CCSER1: variants seen among roughly 807,000 people sequenced by gnomAD.
CCSER1 encodes coiled-coil serine rich protein 1, also known as serine-rich coiled-coil domain-containing protein 1.
A neutral mutation model predicts 82.0 loss-of-function variants in CCSER1; 41 were observed. That is an observed-to-expected ratio of 0.50 (90% confidence interval 0.39 to 0.65). The LOEUF is 0.65. CCSER1 is among the 30% of genes least tolerant of loss of function. The pLI is 0.00. For missense variants in CCSER1, 1,119 were observed against 1,064.2 expected, an observed-to-expected ratio of 1.05 and a Z score of -0.72; for synonymous variants, 414 against 383.9, an observed-to-expected ratio of 1.08 and a Z score of -0.92.
Position 90,995,225 on chromosome 4 carries a change from G to A in CCSER1, c.2172+71778G>A, listed in dbSNP as rs141190080. On this transcript the variant is annotated intron_variant, in intron 9 of 10. Transcript: ENST00000509176. ...AATCAAGGTTAGCATTGAACATTCT[G>A]GATGCCTGCTTCTAAAAGGAATGAA... is the stretch of plus-strand genomic sequence containing the variant. Among the ~76,000 whole-genome samples, 7 of 152,240 alleles carry A rather than the reference G, an allele frequency of 4.6e-5. No homozygotes were observed. The East Asian group carries it at 1.4e-3, about 29-fold the overall frequency.
At chr4:90,897,973 GT>G (rs1325283024) in intron 8 of CCSER1, among the ~76,000 whole-genome samples, 2 of 151,582 alleles carry the variant, frequency 1.3e-5, no homozygotes, top group African/African-American at 4.8e-5. Flanking sequence ...ATTTTTTCTT[GT>G]TGATTGTTTA....
At chr4:90,353,509 A>T (rs1468438859) in intron 3 of CCSER1, among the ~76,000 whole-genome samples, 1 of 152,174 alleles carries the variant, frequency 6.6e-6, no homozygotes, top group Non-Finnish European at 1.5e-5. Flanking sequence ...GAGGCAAATA[A>T]AGGAAAATTC....
At chr4:90,833,029 A>G (rs913791063) in intron 8 of CCSER1, among the ~76,000 whole-genome samples, 3 of 152,206 alleles carry the variant, frequency 2.0e-5, no homozygotes, top group Non-Finnish European at 4.4e-5. Context: ...CAAATAACCT[A>G]ATGGGCTTAT....
At chr4:90,723,063 A>G (rs1742956687) in intron 6 of CCSER1, among the ~76,000 whole-genome samples, 10 of 152,012 alleles carry the variant, frequency 6.6e-5, no homozygotes, top group Admixed American at 3.9e-4. Flanking sequence ...CTGAAAATGT[A>G]GGTATATATT....
chr4:91,380,525 CT>C (rs1306081306), intron 10 of CCSER1, among the ~76,000 whole-genome samples: 1 of 152,116 alleles, frequency 6.6e-6, no homozygotes, highest in African/African-American at 2.4e-5. Flanking sequence ...CTCTTTTGAT[CT>C]TTGATGGTTT....
chr4:91,360,473 A>C (rs1216988883), intron 10 of CCSER1, among the ~76,000 whole-genome samples: 3 of 151,876 alleles, frequency 2.0e-5, no homozygotes, highest in Admixed American at 1.3e-4. Flanking sequence ...ATCTGAGTAC[A>C]TTATGCATCC....
intron 5 of CCSER1, among the ~76,000 whole-genome samples, chr4:90,597,044 T>C (rs1339166164): frequency 6.6e-6 from 1 of 152,150 alleles, no homozygotes; most frequent in East Asian, 1.9e-4. Flanking sequence ...GCTAATTCAA[T>C]CTATTAAGTT....
rs548600705 is a variant in CCSER1, at chr4:91,024,119, C to A, written c.2173-61831C>A. 1.1e-3 allele frequency among the ~76,000 whole-genome samples: 161 copies of A among 152,166 alleles called. 1 individual carries two copies. Among genetic ancestry groups the A allele is most frequent in the African/African-American group, 3.7e-3 (153 of 41,512 alleles). On this transcript the variant is annotated intron_variant, in intron 9 of 10. Transcript: ENST00000509176. ...CCACGAGTTCCCTTCCCGTGATAAC[C>A]CATTAATCCATTCATGAGGGCAGAG...
chr4:91,063,897 G>T (rs1446309073), intron 9 of CCSER1, among the ~76,000 whole-genome samples: 4 of 152,034 alleles, frequency 2.6e-5, no homozygotes, highest in Admixed American at 2.6e-4. Flanking sequence ...ATTTCCCTAA[G>T]GTCTCATGTC....
At chr4:91,205,876 G>A (rs1015475456) in intron 10 of CCSER1, among the ~76,000 whole-genome samples, 8 of 151,678 alleles carry the variant, frequency 5.3e-5, no homozygotes, top group Non-Finnish European at 1.2e-4. Flanking sequence ...TGTACAAGAC[G>A]CTGTGAAAAG....
chr4:91,190,290 G>A (rs1321463543), intron 10 of CCSER1, among the ~76,000 whole-genome samples: 1 of 152,168 alleles, frequency 6.6e-6, no homozygotes, highest in East Asian at 1.9e-4. Flanking sequence ...CTTTTTTAGA[G>A]TTTTAGTTAC....
intron 6 of CCSER1, among the ~76,000 whole-genome samples, chr4:90,655,957 T>A (rs936180928): frequency 2.4e-4 from 37 of 151,946 alleles, no homozygotes; most frequent in Non-Finnish European, 1.0e-4. Context: ...TGCACAGTTA[T>A]AATATTCTTG....
intron 1 of CCSER1, among the ~76,000 whole-genome samples, chr4:90,139,223 T>C (rs1724272637): frequency 6.6e-6 from 1 of 152,216 alleles, no homozygotes; most frequent in Non-Finnish European, 1.5e-5. Flanking sequence ...AAAGATATCC[T>C]GTCACTAGTG....
At chr4:90,795,255 G>T (rs1276751727) in intron 7 of CCSER1, among the ~76,000 whole-genome samples, 1 of 148,800 alleles carries the variant, frequency 6.7e-6, no homozygotes, top group East Asian at 2.0e-4. Context: ...CCACTGCACT[G>T]CAGCATGGGC....
intron 10 of CCSER1, among the ~76,000 whole-genome samples, chr4:91,101,560 G>T (rs572191931): frequency 1.3e-5 from 2 of 151,964 alleles, no homozygotes; most frequent in African/African-American, 4.8e-5. Flanking sequence ...ACTTGAACTC[G>T]GGAGGCGGAG....
In CCSER1 at chr4:91,009,031, G is replaced by T. The variant is rs141720454; in HGVS notation, c.2173-76919G>T. 6.6e-5 allele frequency among the ~76,000 whole-genome samples: 10 copies of T among 152,326 alleles called. No homozygotes were observed. In the East Asian group the frequency reaches 1.9e-3, roughly 29 times the overall value. Reference sequence around the variant, plus strand: ...AATGGTAAGCCTTTAGCCTGATCGGGAGCGGCAATGGGTGCCTCCCCGGAT... The same window carrying T: ...AATGGTAAGCCTTTAGCCTGATCGGTAGCGGCAATGGGTGCCTCCCCGGAT... On this transcript the variant is annotated intron_variant, in intron 9 of 10. Transcript: ENST00000509176.
intron 8 of CCSER1, among the ~76,000 whole-genome samples, chr4:90,916,665 G>A (rs910279606): frequency 6.6e-6 from 1 of 152,136 alleles, no homozygotes; most frequent in East Asian, 1.9e-4. Context: ...TAAGAAATGG[G>A]ATCTAATTAA....
At chr4:90,586,086 G>C (rs962288914) in intron 5 of CCSER1, among the ~76,000 whole-genome samples, 4 of 152,124 alleles carry the variant, frequency 2.6e-5, no homozygotes, top group Non-Finnish European at 1.5e-5. Context: ...TTAGGAACCG[G>C]GCTGCACAGC....
chr4:91,488,724 T>C (rs1269739772), intron 10 of CCSER1, among the ~76,000 whole-genome samples: 8 of 152,202 alleles, frequency 5.3e-5, no homozygotes, highest in Non-Finnish European at 1.5e-5. Flanking sequence ...ATGCTTCCTA[T>C]ACAGGCTGCA....
Sources: gnomAD v4.1 joint callset for allele counts (sites outside exome capture counted in the v4.1 genomes callset) on GRCh38, gnomAD v4.1.1 for gene constraint, MANE v1.5 for transcripts, NCBI Gene and HGNC (gene_info 2026-07-23, HGNC 2026-07-21) for gene names.